The following ZGRF1 variants were observed in gnomAD, a reference collection of about 807,000 sequenced individuals.
ZGRF1 encodes zinc finger GRF-type containing 1.
In ZGRF1, 196 loss-of-function variants were observed where a neutral mutation model predicts 203.5. That is an observed-to-expected ratio of 0.96 (90% CI 0.86 to 1.08). The LOEUF (loss-of-function observed/expected upper bound fraction) is 1.08, where lower values mean the gene tolerates loss of function less well. ZGRF1 is among the 50% of genes least tolerant of loss of function. The probability of loss-of-function intolerance (pLI) is 0.00; values close to 1 mark genes in which losing one functional copy is unlikely to be tolerated. For missense variants in ZGRF1, 2,326 were observed against 2,416.3 expected, an observed-to-expected ratio of 0.96 and a Z score of 0.78; for synonymous variants, 809 against 841.3, an observed-to-expected ratio of 0.96 and a Z score of 0.66.
intron 6 of ZGRF1, among the ~76,000 whole-genome samples, chr4:112,615,136 T>C (rs1459405979): frequency 4.6e-5 from 7 of 152,204 alleles, no homozygotes. Context: ...ACTAGTTATG[T>C]GTTTGCAGTG....
intron 14 of ZGRF1, 140 bp from the exon 15 acceptor site, chr4:112,584,314 T>G (rs1289355469): frequency 2.4e-6 from 1 of 412,786 alleles, no homozygotes; most frequent in Non-Finnish European, 4.2e-6. Context: ...TGACTTAACT[T>G]TATCATTAAT....
chr4:112,625,644 C>T (rs1403305169), intron 3 of ZGRF1, among the ~76,000 whole-genome samples: 1 of 149,380 alleles, frequency 6.7e-6, no homozygotes, highest in African/African-American at 2.5e-5. Context: ...CGTCTGTAAT[C>T]CCAGCACTTT....
Position 112,617,627 on chromosome 4 carries a change from T to C in ZGRF1, c.2415A>G (p.Arg805=), listed in dbSNP as rs558377127. Residue 805 remains arginine (R), a synonymous_variant, in exon 6 of 28, where the codon AGA becomes AGG. Transcript: ENST00000505019. ...PPDHVEVETA[R]EGKQYWNPRN... ...TAGGATTCCAGTATTGTTTGCCTTC[T>C]CTGGCAGTTTCAACCTCAACATGGT... The C allele has an allele frequency of 6.2e-7, 1 of 1,613,590 alleles. No individual in the cohort carries two copies. Among genetic ancestry groups the C allele is most frequent in the East Asian group, 2.2e-5 (1 of 44,872 alleles).
At chr4:112,614,866 T>C (rs1020418973) in intron 6 of ZGRF1, among the ~76,000 whole-genome samples, 1 of 151,962 alleles carries the variant, frequency 6.6e-6, no homozygotes, top group African/African-American at 2.4e-5. Flanking sequence ...CTATCTAGTG[T>C]TCCCAAGGGC....
At position 112,618,378 on chromosome 4, in the gene ZGRF1, T is replaced by G. The variant is rs1468391793; in HGVS notation, c.1664A>C (p.Asp555Ala). The G allele has an allele frequency of 6.2e-7, 1 of 1,613,836 alleles. No homozygotes were observed. The highest frequency in any genetic ancestry group is 2.2e-5 in the East Asian group (1 of 44,864). Reference protein sequence around the residue: ...ESQESNKISQDSESWVKDILV... With the variant: ...ESQESNKISQASESWVKDILV... ...AATGTCCTTTACCCAACTCTCTGAA[T>G]CCTGGGAAATTTTGTTGCTTTCCTG... Residue 555 changes from aspartate (D) to alanine (A), a missense_variant, in exon 6 of 28, where the codon GAT (aspartate) becomes GCT (alanine). Coordinates refer to ENST00000505019, the MANE Select transcript of ZGRF1 (RefSeq NM_018392.5).
intron 1 of ZGRF1, among the ~76,000 whole-genome samples, chr4:112,635,853 A>G (rs1251884930): frequency 6.6e-6 from 1 of 151,942 alleles, no homozygotes; most frequent in Non-Finnish European, 1.5e-5. Flanking sequence ...ATTGCAAGAT[A>G]AATTCTCCAT....
At chr4:112,625,652 T>C (rs1378478324) in intron 3 of ZGRF1, among the ~76,000 whole-genome samples, 1 of 148,728 alleles carries the variant, frequency 6.7e-6, no homozygotes. Flanking sequence ...ATCCCAGCAC[T>C]TTGGGAGGCT....
intron 1 of ZGRF1, among the ~76,000 whole-genome samples, chr4:112,635,691 G>A (rs2047589116): frequency 6.7e-6 from 1 of 149,676 alleles, no homozygotes; most frequent in Admixed American, 6.7e-5. Context: ...TATATTTATT[G>A]ATTACATACT....
intron 16 of ZGRF1, among the ~76,000 whole-genome samples, chr4:112,581,115 C>A (rs529474345): frequency 1.2e-4 from 19 of 152,072 alleles, no homozygotes; most frequent in Admixed American, 4.6e-4. Context: ...AGGATGAGTT[C>A]ATGTCCTCTG....
intron 10 of ZGRF1, among the ~76,000 whole-genome samples, chr4:112,602,722 T>C (rs1221253275): frequency 6.6e-6 from 1 of 152,198 alleles, no homozygotes; most frequent in Non-Finnish European, 1.5e-5. Flanking sequence ...GAATAAATTA[T>C]AGCCACAGGC....
intron 6 of ZGRF1, among the ~76,000 whole-genome samples, chr4:112,614,490 A>G (rs1445824329): frequency 6.6e-6 from 1 of 152,052 alleles, no homozygotes; most frequent in Non-Finnish European, 1.5e-5. Context: ...TTAGTGCCAC[A>G]TTTTTCATTT....
Position 112,581,708 on chromosome 4 carries a change from A to G in ZGRF1, c.4393T>C (p.Tyr1465His), listed in dbSNP as rs1156375672. 6.3e-7 allele frequency: 1 copy of G among 1,583,564 alleles called. No individual in the cohort carries two copies. The highest frequency in any genetic ancestry group is 8.6e-7 in the Non-Finnish European group (1 of 1,169,056). ...CTTTCCTTCCGACTTAGCTTAAGAT[A>G]AAGTTTGGTTTTTGGTTCATTATAA... ...EFYNEPKTKL[Y>H]LKLSRKERSS... The change falls in exon 16 of 28, where the codon TAT (tyrosine) becomes CAT (histidine). Residue 1465 changes from tyrosine (Y) to histidine (H), a missense_variant. Transcript: ENST00000505019.
intron 10 of ZGRF1, among the ~76,000 whole-genome samples, chr4:112,594,825 A>G (rs1172432548): frequency 1.3e-5 from 2 of 152,140 alleles, no homozygotes; most frequent in Non-Finnish European, 2.9e-5. Context: ...TTAATTGGTT[A>G]TTTTAATTCT....
intron 16 of ZGRF1, among the ~76,000 whole-genome samples, chr4:112,572,051 C>T (rs928848499): frequency 6.6e-6 from 1 of 152,128 alleles, no homozygotes; most frequent in Admixed American, 6.6e-5. Flanking sequence ...AAAATGGTTA[C>T]TATTCTAGCA....
rs1289592184 is a variant in ZGRF1 at position 112,619,561 on chromosome 4, A to G, written c.481T>C (p.Phe161Leu). The part of the protein sequence containing the change: ...FSPFCSMPPL[F>L]PTVGKKDVNN... ...ACATCTTTCTTGCCAACAGTAGGAA[A>G]CAAAGGAGGCATGCTGCAGAATGGA... The change falls in exon 6 of 28, where the codon TTT becomes CTT. Residue 161 changes from phenylalanine to leucine, a missense_variant. Physicochemically the swap from Phe to Leu is conservative, Grantham distance 22. Coordinates refer to ENST00000505019, the MANE Select transcript of ZGRF1 (RefSeq NM_018392.5). 1 of 1,614,150 alleles carries G rather than the reference A, an allele frequency of 6.2e-7. No homozygotes were observed. Among genetic ancestry groups the G allele is most frequent in the Non-Finnish European group, 8.5e-7 (1 of 1,180,004 alleles).
rs1469846212 is a variant in ZGRF1, at chr4:112,540,070, G to T, written c.5965C>A (p.Gln1989Lys). 1.2e-6 allele frequency: 2 copies of T among 1,600,648 alleles called. No homozygotes were observed. Among genetic ancestry groups the T allele is most frequent in the African/African-American group, 2.7e-5 (2 of 74,726 alleles). Reference protein sequence around the residue: ...DFHHPDIKTVQVSTVDAFQGA... With the variant: ...DFHHPDIKTVKVSTVDAFQGA... Reference sequence around the variant, plus strand: ...TGAAAAGCATCTACTGTGGACACCTGCACAGTTTTAATATCAGGATGGTGA... The same window carrying T: ...TGAAAAGCATCTACTGTGGACACCTTCACAGTTTTAATATCAGGATGGTGA... The change falls in exon 27 of 28, where the codon CAG (glutamine) becomes AAG (lysine). Residue 1989 changes from glutamine to lysine, a missense_variant. Gln to Lys is a moderately conservative substitution (Grantham distance 53). Transcript: ENST00000505019.
chr4:112,569,147 G>T (rs78941738), intron 16 of ZGRF1, among the ~76,000 whole-genome samples: 1 of 152,168 alleles, frequency 6.6e-6, no homozygotes, highest in Non-Finnish European at 1.5e-5. Flanking sequence ...TAAAGGAAAA[G>T]AACTTAGAAC....
intron 16 of ZGRF1, among the ~76,000 whole-genome samples, chr4:112,570,141 G>C (rs985915486): frequency 1.3e-4 from 20 of 152,228 alleles, no homozygotes; most frequent in African/African-American, 4.8e-4. Flanking sequence ...AGACTATATA[G>C]AAGATCTGGA....
At chr4:112,585,391 T>G (rs1746990272) in intron 14 of ZGRF1, 150 bp downstream of exon 14, 1 of 472,740 alleles carries the variant, frequency 2.1e-6, no homozygotes, top group Non-Finnish European at 3.5e-6. Context: ...CAATAAAACT[T>G]TGAGAATTTA....
Sources: gnomAD v4.1 joint callset for allele counts (sites outside exome capture counted in the v4.1 genomes callset) on GRCh38, gnomAD v4.1.1 for gene constraint, MANE v1.5 for transcripts, NCBI Gene and HGNC (gene_info 2026-07-23, HGNC 2026-07-21) for gene names.